The following PCDHA8 variants were observed in gnomAD, a reference collection of about 807,000 sequenced individuals.
PCDHA8 encodes protocadherin alpha 8.
In PCDHA8, 53 loss-of-function variants were observed where a neutral mutation model predicts 61.8. That is an observed-to-expected ratio of 0.86 (90% CI 0.69 to 1.08). PCDHA8 has a LOEUF of 1.08. PCDHA8 is among the 50% of genes least tolerant of loss of function. PCDHA8 has a pLI of 0.00. For synonymous variants in PCDHA8, 618 were observed against 556.6 expected (o/e 1.11, Z -1.55); for missense variants, 1,293 against 1,245.0 (o/e 1.04, Z -0.58).
rs782676713 is a variant in PCDHA8 at position 140,968,215 on chromosome 5, G to A, written c.2395-10734G>A. 3 of 1,613,862 alleles carry A rather than the reference G, an allele frequency of 1.9e-6. 1 individual carries two copies. The highest frequency in any genetic ancestry group is 2.5e-6 in the Non-Finnish European group (3 of 1,180,046). On this transcript the variant is annotated intron_variant, in intron 1 of 3. Transcript: ENST00000531613. ...CCATCTACATACAGGAGAACAATTT[G>A]CCAGGTGTGTTGCTCTGTACTGTGC... is the stretch of plus-strand genomic sequence containing the variant.
At chr5:140,954,299 C>T (rs964431670) in intron 1 of PCDHA8, among the ~76,000 whole-genome samples, 2 of 152,166 alleles carry the variant, frequency 1.3e-5, no homozygotes, top group Non-Finnish European at 2.9e-5. Context: ...GGTACATACC[C>T]AGTAATGGGA....
intron 1 of PCDHA8, chr5:140,856,463 C>T (rs782279735): frequency 1.3e-6 from 2 of 1,598,356 alleles, no homozygotes; most frequent in Admixed American, 3.4e-5. Context: ...AGAACAAAAG[C>T]TCTCAATACC....
rs1451679036 is a variant in PCDHA8, at chr5:140,876,215, A to C, written c.2394+32500A>C. On this transcript the variant is annotated intron_variant, in intron 1 of 3. Coordinates refer to ENST00000531613, the MANE Select transcript of PCDHA8 (RefSeq NM_018911.3). ...CCGGCGTTTGATAAGCCCAGCTATA[A>C]AGTAGTGTTGTCTGAAAATGTCCAA... The C allele has an allele frequency of 1.2e-6, 2 of 1,613,890 alleles. No homozygotes were observed. The highest frequency in any genetic ancestry group is 1.7e-6 in the Non-Finnish European group (2 of 1,179,898).
At chr5:140,863,428 G>A (rs528139564) in intron 1 of PCDHA8, 7 of 657,564 alleles carry the variant, frequency 1.1e-5, no homozygotes, top group Non-Finnish European at 1.9e-5. Context: ...CAGCGTAGTG[G>A]GATCTGGTCT....
chr5:140,911,075 A>G (rs1554194593), intron 1 of PCDHA8, among the ~76,000 whole-genome samples: 1 of 152,076 alleles, frequency 6.6e-6, no homozygotes, highest in Admixed American at 6.6e-5. Context: ...GAGGAGAATC[A>G]ACATTATCTT....
chr5:140,992,460 G>T (rs1554252924), intron 3 of PCDHA8, among the ~76,000 whole-genome samples: 1 of 152,170 alleles, frequency 6.6e-6, no homozygotes, highest in African/African-American at 2.4e-5. Context: ...GCAGAGGACA[G>T]TACTCTTTAG....
rs1383515995 is a variant in PCDHA8 at position 140,856,091 on chromosome 5, C to T, written c.2394+12376C>T. The stretch of plus-strand genomic sequence containing the variant: ...CTGCCTGGGGGTCCAGTGTCTGCTG[C>T]TCTCGCTTCTTCTCCTCGCAGCCTG... On this transcript the variant is annotated intron_variant, in intron 1 of 3. Coordinates refer to ENST00000531613, the MANE Select transcript of PCDHA8 (RefSeq NM_018911.3). 13 of 1,597,006 alleles carry T rather than the reference C, an allele frequency of 8.1e-6. 1 individual carries two copies. The highest frequency in any genetic ancestry group is 1.3e-5 in the African/African-American group (1 of 74,304).
At position 140,841,736 on chromosome 5, in the gene PCDHA8, A is replaced by C; in HGVS notation, c.415A>C (p.Lys139Gln). ...NPPVFRVKDQKLFVSESRMPD... is the reference protein window; with the variant it reads ...NPPVFRVKDQQLFVSESRMPD... ...GCCAGTGTTCCGGGTAAAAGACCAA[A>C]AGCTGTTTGTTTCAGAATCCAGAAT... is the stretch of plus-strand genomic sequence containing the variant. Residue 139 changes from lysine (K) to glutamine (Q), a missense_variant, in exon 1 of 4, where the codon AAG becomes CAG. Physicochemically the swap from Lys to Gln is moderately conservative, Grantham distance 53 (BLOSUM62 1). Coordinates refer to ENST00000531613, the MANE Select transcript of PCDHA8 (RefSeq NM_018911.3). 6.2e-7 allele frequency: 1 copy of C among 1,613,716 alleles called. No homozygotes were observed. The highest frequency in any genetic ancestry group is 1.1e-5 in the South Asian group (1 of 91,054).
intron 1 of PCDHA8, among the ~76,000 whole-genome samples, chr5:140,889,903 A>G (rs2062424264): frequency 6.6e-6 from 1 of 152,126 alleles, no homozygotes; most frequent in African/African-American, 2.4e-5. Flanking sequence ...CTACCTTGAG[A>G]TTGTCATACT....
At chr5:140,965,388 C>A (rs2095896527) in intron 1 of PCDHA8, among the ~76,000 whole-genome samples, 1 of 151,982 alleles carries the variant, frequency 6.6e-6, no homozygotes, top group Non-Finnish European at 1.5e-5. Flanking sequence ...CACAGAAGAA[C>A]AGAAGTCTAA....
chr5:140,843,527 A>T lies in PCDHA8; in HGVS notation c.2206A>T (p.Lys736Ter), dbSNP rs2150362053. 1 of 1,595,944 alleles carries T rather than the reference A, an allele frequency of 6.3e-7. No individual in the cohort carries two copies. The highest frequency in any genetic ancestry group is 2.2e-5 in the East Asian group (1 of 44,820). The change falls in exon 1 of 4, where the codon AAG becomes TAG. Residue 736 changes from lysine to a stop codon, truncating the protein, a stop_gained. Transcript: ENST00000531613. LOFTEE classifies it high-confidence loss of function. Reference sequence around the variant, plus strand: ...CACTGAGGGCGGGTGCCGGGCGGGCAAGCCCACTCTGGTGTGCTCCAGTGC... The same window carrying T: ...CACTGAGGGCGGGTGCCGGGCGGGCTAGCCCACTCTGGTGTGCTCCAGTGC... ...LPTEGGCRAGKPTLVCSSAVG... is the reference protein window; with the variant it reads ...LPTEGGCRAG
intron 1 of PCDHA8, among the ~76,000 whole-genome samples, chr5:140,902,546 A>G (rs1456804685): frequency 6.6e-6 from 1 of 152,088 alleles, no homozygotes; most frequent in Non-Finnish European, 1.5e-5. Context: ...TGTTCCTTCT[A>G]TACCCAGATT....
At chr5:140,969,514 G>T (rs2096339995) in intron 1 of PCDHA8, 3 of 1,414,044 alleles carry the variant, frequency 2.1e-6, no homozygotes, top group Admixed American at 2.8e-5. Flanking sequence ...TAGCACTAAA[G>T]AATTGTTTTA....
rs1200077477 is a variant in PCDHA8, at chr5:140,898,429, C to T, written c.2394+54714C>T. 2.1e-3 allele frequency among the ~76,000 whole-genome samples: 312 copies of T among 150,132 alleles called. 2 individuals are homozygous for T. Among genetic ancestry groups the T allele is most frequent in the African/African-American group, 7.3e-3 (294 of 40,066 alleles). On this transcript the variant is annotated intron_variant, in intron 1 of 3. Coordinates refer to ENST00000531613, the MANE Select transcript of PCDHA8 (RefSeq NM_018911.3). ...ATACGGCTAGCCAGTTTTCCCAGCACCATTTATTAAATAGGGAATCCTTTC... is the reference window on the plus strand; with the variant it reads ...ATACGGCTAGCCAGTTTTCCCAGCATCATTTATTAAATAGGGAATCCTTTC...
At chr5:140,887,524 G>A (rs2061480235) in intron 1 of PCDHA8, among the ~76,000 whole-genome samples, 2 of 152,090 alleles carry the variant, frequency 1.3e-5, no homozygotes, top group African/African-American at 4.8e-5. Flanking sequence ...TTATATATGA[G>A]TCTTCCTCTC....
chr5:140,871,698 C>A, intron 1 of PCDHA8: 2 of 905,580 alleles, frequency 2.2e-6, no homozygotes, highest in Non-Finnish European at 3.2e-6. Context: ...GCTTCTTTAA[C>A]CAATAAATGT....
In PCDHA8 at chr5:140,999,156, C is replaced by T. The variant is rs533302480; in HGVS notation, c.2543-10471C>T. On this transcript the variant is annotated intron_variant, in intron 3 of 3. Transcript: ENST00000531613. ...GTCACAGCCGGAAGTCTTCAGTCCCCTAGAAGGAAAAGAGCCTGATGGGGA... is the reference window on the plus strand; with the variant it reads ...GTCACAGCCGGAAGTCTTCAGTCCCTTAGAAGGAAAAGAGCCTGATGGGGA... 4.6e-5 allele frequency among the ~76,000 whole-genome samples: 7 copies of T among 152,280 alleles called. No individual in the cohort carries two copies. In the East Asian group the frequency reaches 1.4e-3, roughly 29 times the overall value.
At chr5:140,859,454 C>G (rs1400169609) in intron 1 of PCDHA8, 1 of 217,780 alleles carries the variant, frequency 4.6e-6, no homozygotes, top group South Asian at 1.1e-4. Context: ...TGCAGAGTGA[C>G]AAAACTACAC....
At chr5:141,002,702 G>A (rs2153975030) in intron 3 of PCDHA8, among the ~76,000 whole-genome samples, 1 of 152,294 alleles carries the variant, frequency 6.6e-6, no homozygotes, top group South Asian at 2.1e-4. Context: ...GTTTAACTCT[G>A]TTGCACACAC....
Sources: allele counts gnomAD v4.1 joint callset (sites outside exome capture counted in the v4.1 genomes callset), GRCh38; gene constraint gnomAD v4.1.1; transcripts MANE v1.5; gene names NCBI Gene and HGNC (gene_info 2026-07-23, HGNC 2026-07-21).